The following DPAGT1 variants were observed in gnomAD, a reference collection of about 807,000 sequenced individuals.
The protein encoded by DPAGT1 is UDP-N-acetylglucosamine--dolichyl-phosphate N-acetylglucosaminephosphotransferase.
In DPAGT1, 25 loss-of-function variants were observed where a neutral mutation model predicts 39.3. The ratio of observed to expected loss-of-function variants is 0.64; its 90% confidence interval spans 0.46 to 0.89. The LOEUF (loss-of-function observed/expected upper bound fraction) is 0.89. Among genes scored for constraint, DPAGT1 ranks in the 40% least tolerant of loss-of-function variants. The pLI, the probability that DPAGT1 is intolerant of heterozygous loss-of-function variation, is 0.00. For synonymous variants in DPAGT1, 193 were observed against 201.4 expected (o/e 0.96, Z 0.36); for missense variants, 381 against 500.6 (o/e 0.76, Z 2.28).
chr11:119,096,280 C>T (rs571963833), downstream of DPAGT1, among the ~76,000 whole-genome samples: 8 of 152,280 alleles, frequency 5.3e-5, no homozygotes, highest in Admixed American at 2.6e-4. Flanking sequence ...AAAGTTTGTT[C>T]CCATGCCAGG....
In DPAGT1 at chr11:119,101,029, G is replaced by A. The variant is rs2134915769; in HGVS notation, c.271C>T (p.Pro91Ser). The A allele has an allele frequency of 6.2e-7, 1 of 1,614,178 alleles. No homozygotes were observed. The highest frequency in any genetic ancestry group is 8.5e-7 in the Non-Finnish European group (1 of 1,180,034). ...CFVKEQCKAF[P>S]HHEFVALIGA... Reference sequence around the variant, plus strand: ...ACGAACCCACTTACTTCATGGTGGGGGAATGCCTTACACTGCTCCTTCACA... The same window carrying A: ...ACGAACCCACTTACTTCATGGTGGGAGAATGCCTTACACTGCTCCTTCACA... Residue 91 changes from proline to serine, a missense_variant, in exon 2 of 9, where the codon CCC (proline) becomes TCC (serine). Coordinates refer to ENST00000354202, the MANE Select transcript of DPAGT1 (RefSeq NM_001382.4).
At chr11:119,096,498 C>A, downstream of DPAGT1, 2 of 194,932 alleles carry the variant, frequency 1.0e-5, no homozygotes, top group South Asian at 8.6e-5. Flanking sequence ...GGAAATATAC[C>A]TACATAAACA....
chr11:119,101,430 C>T (rs1946504020), intron 1 of DPAGT1, 65 bp downstream of exon 1: 11 of 1,612,422 alleles, frequency 6.8e-6, no homozygotes, highest in African/African-American at 1.3e-5. Context: ...CCGGTTCCCG[C>T]CCCTGCCCTA....
At chr11:119,099,924 C>G (rs896566621) in intron 4 of DPAGT1, among the ~76,000 whole-genome samples, 1 of 151,894 alleles carries the variant, frequency 6.6e-6, no homozygotes, top group African/African-American at 2.4e-5. Context: ...TGCCTGTGCT[C>G]AAACATGATT....
chr11:119,097,674 G>T lies in DPAGT1; in HGVS notation c.918-123C>A. On this transcript the variant is annotated intron_variant, in intron 6 of 8. Coordinates refer to ENST00000354202, the MANE Select transcript of DPAGT1 (RefSeq NM_001382.4). The surrounding 1 kb of genome is among the most constrained non-coding windows in gnomAD (Gnocchi z 4.6). ...TCTATTTCTGGCTCTGCTGCTTACTGTTATCAGAACCACTGTAGCAGATTA... is the reference window on the plus strand; with the variant it reads ...TCTATTTCTGGCTCTGCTGCTTACTTTTATCAGAACCACTGTAGCAGATTA... 1 of 1,423,022 alleles carries T rather than the reference G, an allele frequency of 7.0e-7. No individual in the cohort carries two copies. Among genetic ancestry groups the T allele is most frequent in the Non-Finnish European group, 9.9e-7 (1 of 1,010,718 alleles). The allele number at this position is 1,423,022 out of a possible 1,614,324, so 88.1% of individuals were successfully genotyped here.
intron 4 of DPAGT1, 108 bp from the exon 5 acceptor site, chr11:119,098,595 C>T: frequency 1.8e-6 from 2 of 1,107,506 alleles, no homozygotes; most frequent in South Asian, 2.6e-5. Flanking sequence ...TCCACCTCAC[C>T]CAAGTCACTT....
At chr11:119,098,108 C>T (rs999016670) in intron 5 of DPAGT1, 65 bp from the exon 6 acceptor site, 3 of 1,602,136 alleles carry the variant, frequency 1.9e-6, no homozygotes, top group African/African-American at 2.7e-5. Flanking sequence ...TCTCACATCA[C>T]ACCCTATGGG....
chr11:119,100,888 TC>T, intron 2 of DPAGT1, 45 bp from the exon 3 acceptor site: 1 of 1,613,962 alleles, frequency 6.2e-7, no homozygotes, highest in Non-Finnish European at 8.5e-7. Context: ...CTGCTCCCAT[TC>T]CACCTTTTAA....
chr11:119,094,390 G>C (rs1361635655), downstream of DPAGT1: 1 of 152,280 alleles, frequency 6.6e-6, no homozygotes, highest in Admixed American at 6.5e-5. Flanking sequence ...GCGTCTGAAA[G>C]TCCTGGGCTA....
Position 119,096,708 on chromosome 11 carries a change from C to T in DPAGT1, c.*290G>A. 1 of 501,216 alleles carries T rather than the reference C, an allele frequency of 2.0e-6. No individual in the cohort carries two copies. Among genetic ancestry groups the T allele is most frequent in the Non-Finnish European group, 3.6e-6 (1 of 276,196 alleles). The allele number at this position is 501,216 out of a possible 1,614,324, so 31.0% of individuals were successfully genotyped here. On this transcript the variant is annotated 3_prime_UTR_variant, in exon 9 of 9. Coordinates refer to ENST00000354202, the MANE Select transcript of DPAGT1 (RefSeq NM_001382.4). ...TCTGAAATGTGAGTGTGGATAACTG[C>T]AAAAAAAGCTGCTGTATCCCACCCT...
In DPAGT1 at chr11:119,097,690, T is replaced by C. The variant is rs1235079889; in HGVS notation, c.918-139A>G. 16 of 1,402,810 alleles carry C rather than the reference T, an allele frequency of 1.1e-5. No homozygotes were observed. The highest frequency in any genetic ancestry group is 1.6e-5 in the Non-Finnish European group (16 of 993,488). The allele number at this position is 1,402,810 out of a possible 1,614,324, so 86.9% of individuals were successfully genotyped here. On this transcript the variant is annotated intron_variant, in intron 6 of 8. Coordinates refer to ENST00000354202, the MANE Select transcript of DPAGT1 (RefSeq NM_001382.4). The surrounding 1 kb of genome is among the most constrained non-coding windows in gnomAD (Gnocchi z 4.6). Reference sequence around the variant, plus strand: ...CTGCTTACTGTTATCAGAACCACTGTAGCAGATTATGCAAATAAATGTGCT... The same window carrying C: ...CTGCTTACTGTTATCAGAACCACTGCAGCAGATTATGCAAATAAATGTGCT...
chr11:119,095,690 C>T (rs546811824), downstream of DPAGT1, among the ~76,000 whole-genome samples: 22 of 152,244 alleles, frequency 1.4e-4, no homozygotes, highest in African/African-American at 5.3e-4. Flanking sequence ...GCCAACTATC[C>T]GCTGATGTAG....
chr11:119,101,310 C>A, intron 1 of DPAGT1, 172 bp from the exon 2 acceptor site: 1 of 1,376,580 alleles, frequency 7.3e-7, no homozygotes, highest in Non-Finnish European at 1.0e-6. Context: ...CCAGATATAC[C>A]CAAGGGTCCC....
intron 4 of DPAGT1, among the ~76,000 whole-genome samples, chr11:119,098,868 T>C (rs1187548803): frequency 4.6e-5 from 7 of 152,238 alleles, no homozygotes; most frequent in Admixed American, 6.5e-5. Flanking sequence ...TTAAATAAGA[T>C]AGTGTTTAAA....
At chr11:119,098,558 T>C in intron 4 of DPAGT1, 71 bp from the exon 5 acceptor site, 1 of 1,520,000 alleles carries the variant, frequency 6.6e-7, no homozygotes, top group African/African-American at 1.4e-5. Context: ...CCTATTTTTG[T>C]CTAAGTTCTG....
At chr11:119,098,578 G>A in intron 4 of DPAGT1, 91 bp from the exon 5 acceptor site, 2 of 1,298,216 alleles carry the variant, frequency 1.5e-6, no homozygotes, top group African/African-American at 1.5e-5. Context: ...GTTTACAGCT[G>A]TTATCATCCA....
At chr11:119,094,985 G>A (rs1245166813), downstream of DPAGT1, 2 of 1,612,434 alleles carry the variant, frequency 1.2e-6, no homozygotes, top group Admixed American at 1.7e-5. Flanking sequence ...GGAGGCCTGG[G>A]TGGCCTTCTT....
intron 1 of DPAGT1, 57 bp downstream of exon 1, chr11:119,101,438 C>T (rs919757070): frequency 1.2e-6 from 2 of 1,613,100 alleles, no homozygotes; most frequent in East Asian, 2.2e-5. Context: ...CGCCCCTGCC[C>T]TAGCCACTCC....
chr11:119,094,826 G>A (rs1020726042), downstream of DPAGT1: 3 of 916,062 alleles, frequency 3.3e-6, no homozygotes, highest in Admixed American at 3.1e-5. Context: ...GAGGGGAGGG[G>A]AGGGGAAGGG....
Sources: gnomAD v4.1 joint callset for allele counts (sites outside exome capture counted in the v4.1 genomes callset) on GRCh38, gnomAD v4.1.1 for gene constraint, Gnocchi (gnomAD v3.1) non-coding constraint, MANE v1.5 for transcripts, NCBI Gene and HGNC (gene_info 2026-07-23, HGNC 2026-07-21) for gene names.